The following POLR3B variants were observed in gnomAD, a reference collection of about 807,000 sequenced individuals.
The protein encoded by POLR3B is RNA polymerase III subunit B.
A neutral mutation model predicts 147.4 loss-of-function variants in POLR3B; 96 were observed. The observed-to-expected ratio is 0.65, with a 90% CI of 0.55 to 0.77. The LOEUF (loss-of-function observed/expected upper bound fraction) is 0.77, where lower values mean the gene tolerates loss of function less well. Among genes scored for constraint, POLR3B ranks in the 30% least tolerant of loss-of-function variants. The pLI, the probability that POLR3B is intolerant of heterozygous loss-of-function variation, is 0.00. For synonymous variants in POLR3B, 461 were observed against 485.9 expected, an observed-to-expected ratio of 0.95 and a Z score of 0.67; for missense variants, 1,036 against 1,413.5, an observed-to-expected ratio of 0.73 and a Z score of 4.28.
intron 18 of POLR3B, among the ~76,000 whole-genome samples, chr12:106,444,060 A>T (rs1375962424): frequency 6.6e-6 from 1 of 152,058 alleles, no homozygotes; most frequent in East Asian, 1.9e-4. Context: ...TGACCTCATG[A>T]TCCACCTGCC....
At chr12:106,471,553 C>T (rs993574879) in intron 23 of POLR3B, among the ~76,000 whole-genome samples, 2 of 151,998 alleles carry the variant, frequency 1.3e-5, no homozygotes, top group Admixed American at 6.6e-5. Flanking sequence ...GCATCAATCT[C>T]CCTGGGAGCT....
intron 18 of POLR3B, among the ~76,000 whole-genome samples, chr12:106,438,917 G>A (rs1041945860): frequency 6.6e-6 from 1 of 152,168 alleles, no homozygotes; most frequent in Admixed American, 6.5e-5. Flanking sequence ...ATTTTTAGAA[G>A]CATCTGTGTT....
At chr12:106,378,109 T>A (rs1258119479) in intron 7 of POLR3B, among the ~76,000 whole-genome samples, 158 bp from the exon 8 acceptor site, 4 of 151,882 alleles carry the variant, frequency 2.6e-5, no homozygotes, top group Non-Finnish European at 5.9e-5. Context: ...TAAAATAAAA[T>A]AAAAAATAAA....
At chr12:106,494,027 T>C (rs542478830) in intron 23 of POLR3B, among the ~76,000 whole-genome samples, 1 of 152,168 alleles carries the variant, frequency 6.6e-6, no homozygotes, top group African/African-American at 2.4e-5. Flanking sequence ...GTATTTTTTT[T>C]AACTAAATGT....
chr12:106,380,523 C>T lies in POLR3B; in HGVS notation c.723+384C>T, dbSNP rs185415374. On this transcript the variant is annotated intron_variant, in intron 9 of 27. Coordinates refer to ENST00000228347, the MANE Select transcript of POLR3B (RefSeq NM_018082.6). Reference sequence around the variant, plus strand: ...GCTTGAGCCTGGGAGGCAAAGGTTGCAGTGAGCTGAGATTGTGCCACTCTG... The same window carrying T: ...GCTTGAGCCTGGGAGGCAAAGGTTGTAGTGAGCTGAGATTGTGCCACTCTG... 2.4e-4 allele frequency among the ~76,000 whole-genome samples: 36 copies of T among 152,138 alleles called. 1 individual carries two copies. Among genetic ancestry groups the T allele is most frequent in the Middle Eastern group, 3.4e-3 (1 of 294 alleles).
intron 4 of POLR3B, among the ~76,000 whole-genome samples, chr12:106,367,303 A>C (rs964294661): frequency 6.6e-6 from 1 of 152,250 alleles, no homozygotes; most frequent in African/African-American, 2.4e-5. Context: ...GAATTCTTCA[A>C]TATTTTTCAC....
chr12:106,508,529 A>G (rs1158524937), intron 27 of POLR3B, among the ~76,000 whole-genome samples: 1 of 152,138 alleles, frequency 6.6e-6, no homozygotes, highest in Admixed American at 6.6e-5. Flanking sequence ...GCTGCTGCAG[A>G]CCCTTGAGGT....
intron 23 of POLR3B, among the ~76,000 whole-genome samples, chr12:106,466,877 A>G (rs995394022): frequency 2.0e-5 from 3 of 152,184 alleles, no homozygotes; most frequent in Non-Finnish European, 2.9e-5. Flanking sequence ...GTTTGAAGTC[A>G]GGTAGCCTGA....
At chr12:106,505,176 T>C (rs2038666671) in intron 27 of POLR3B, among the ~76,000 whole-genome samples, 1 of 152,210 alleles carries the variant, frequency 6.6e-6, no homozygotes, top group South Asian at 2.1e-4. Context: ...CTATTTGTAA[T>C]GATTCCACTC....
intron 7 of POLR3B, among the ~76,000 whole-genome samples, chr12:106,378,020 C>G (rs113387034): frequency 6.6e-6 from 1 of 152,052 alleles, no homozygotes; most frequent in Non-Finnish European, 1.5e-5. Context: ...GTTAGCAGTC[C>G]GAGGTTGCAG....
chr12:106,463,522 C>T lies in POLR3B; in HGVS notation c.2615C>T (p.Ser872Phe). ...TCATATATTGAAAAAGTGATGATATCTTCAAATGCTGAAGATGCTTTTCTG... is the reference window on the plus strand; with the variant it reads ...TCATATATTGAAAAAGTGATGATATTTTCAAATGCTGAAGATGCTTTTCTG... ...TDSYIEKVMI[S>F]SNAEDAFLIK... Residue 872 changes from serine to phenylalanine, a missense_variant, in exon 23 of 28, where the codon TCT becomes TTT. Physicochemically the swap from Ser to Phe is radical, Grantham distance 155. This residue lies in a region of POLR3B where 202 missense variants were observed against 272.8 expected (regional missense o/e 0.74). Transcript: ENST00000228347. 3.7e-6 allele frequency: 6 copies of T among 1,612,842 alleles called. No individual in the cohort carries two copies. Among genetic ancestry groups the T allele is most frequent in the Non-Finnish European group, 5.1e-6 (6 of 1,178,888 alleles).
intron 12 of POLR3B, among the ~76,000 whole-genome samples, chr12:106,418,072 C>T (rs566092254): frequency 7.9e-5 from 12 of 152,298 alleles, no homozygotes; most frequent in Admixed American, 7.2e-4. Context: ...CTTTAGATAA[C>T]AGAGTTGTCT....
chr12:106,366,594 TAGA>T, intron 3 of POLR3B, 22 bp downstream of exon 3: 1 of 1,598,782 alleles, frequency 6.3e-7, no homozygotes, highest in Admixed American at 1.7e-5. Context: ...ATGTTAGAAA[TAGA>T]CATAAACTAA....
chr12:106,366,788 T>A (rs1229797400), intron 4 of POLR3B, 66 bp downstream of exon 4: 1 of 1,246,020 alleles, frequency 8.0e-7, no homozygotes, highest in Non-Finnish European at 1.2e-6. Flanking sequence ...GTGAGTGAAG[T>A]TGCTATCAAA....
intron 22 of POLR3B, among the ~76,000 whole-genome samples, chr12:106,461,627 T>C (rs567895692): frequency 2.6e-5 from 4 of 152,306 alleles, no homozygotes; most frequent in African/African-American, 9.6e-5. Context: ...TACCCCCTAG[T>C]CTCTGGCATA....
intron 12 of POLR3B, among the ~76,000 whole-genome samples, chr12:106,414,957 C>T (rs1302181529): frequency 3.3e-5 from 5 of 152,206 alleles, no homozygotes; most frequent in African/African-American, 4.8e-5. Context: ...AATCAGTTAA[C>T]AGTGCCATCT....
chr12:106,468,770 C>G (rs1474593522), intron 23 of POLR3B, among the ~76,000 whole-genome samples: 3 of 152,148 alleles, frequency 2.0e-5, no homozygotes, highest in Non-Finnish European at 4.4e-5. Context: ...GTTTCTTAAT[C>G]CTGAGTTCTA....
chr12:106,449,422 C>T (rs917941938), intron 19 of POLR3B, among the ~76,000 whole-genome samples: 5 of 152,124 alleles, frequency 3.3e-5, no homozygotes, highest in African/African-American at 1.2e-4. Flanking sequence ...GCACCAACTC[C>T]TCTCACAGTT....
intron 9 of POLR3B, among the ~76,000 whole-genome samples, chr12:106,390,516 A>AT (rs1170851987): frequency 1.3e-5 from 2 of 151,714 alleles, no homozygotes; most frequent in African/African-American, 2.4e-5. Context: ...AGAACTGGTA[A>AT]TTTTTTTTAG....
Sources: allele counts gnomAD v4.1 joint callset (sites outside exome capture counted in the v4.1 genomes callset), GRCh38; gene constraint gnomAD v4.1.1; regional missense constraint gnomAD v4.1.1; transcripts MANE v1.5; gene names NCBI Gene and HGNC (gene_info 2026-07-23, HGNC 2026-07-21).